The following TANGO2 variants were observed in gnomAD, a reference collection of about 807,000 sequenced individuals.
The protein encoded by TANGO2 is transport and Golgi organization protein 2 homolog.
TANGO2 carries 26 observed loss-of-function variants against 39.1 expected under a neutral mutation model. The ratio of observed to expected loss-of-function variants is 0.67; its 90% CI spans 0.49 to 0.92. The LOEUF (loss-of-function observed/expected upper bound fraction) is 0.92. Ranked by LOEUF, TANGO2 falls within the 40% of genes least tolerant of loss-of-function variation. TANGO2 has a pLI of 0.00. For missense variants in TANGO2, 326 were observed against 360.1 expected, an observed-to-expected ratio of 0.91 and a Z score of 0.77; for synonymous variants, 131 against 144.5, an observed-to-expected ratio of 0.91 and a Z score of 0.67.
chr22:20,021,073 C>G (rs2039557889), upstream of TANGO2: 1 of 152,608 alleles, frequency 6.6e-6, no homozygotes, highest in Admixed American at 6.6e-5. Context: ...CTGGGCGGTA[C>G]TGGGCTGGCT....
chr22:20,038,628 C>T (rs184977494), intron 2 of TANGO2, among the ~76,000 whole-genome samples: 232 of 152,346 alleles, frequency 1.5e-3, no homozygotes, highest in Non-Finnish European at 2.7e-3. Flanking sequence ...GACTATTTTC[C>T]GAAGCCCTAA....
intron 3 of TANGO2, among the ~76,000 whole-genome samples, chr22:20,044,733 C>A (rs1488554220): frequency 6.6e-6 from 1 of 152,142 alleles, no homozygotes; most frequent in Non-Finnish European, 1.5e-5. Context: ...GGGTGCAGGG[C>A]TGGTCAGGAC....
intron 3 of TANGO2, among the ~76,000 whole-genome samples, chr22:20,045,203 A>G (rs1469578541): frequency 6.6e-6 from 1 of 151,662 alleles, no homozygotes; most frequent in African/African-American, 2.4e-5. Context: ...TGGGAGTCCA[A>G]GGCAGGAGGA....
chr22:20,052,473 A>G lies in TANGO2; in HGVS notation c.154A>G (p.Met52Val), dbSNP rs754597026. 6.2e-7 allele frequency: 1 copy of G among 1,602,098 alleles called. No homozygotes were observed. The highest frequency in any genetic ancestry group is 8.5e-7 in the Non-Finnish European group (1 of 1,174,440). Residue 52 changes from methionine (M) to valine (V), a missense_variant, in exon 4 of 9, where the codon ATG becomes GTG. By Grantham distance (21) the Met-to-Val change is conservative. Transcript: ENST00000327374. Reference protein sequence around the residue: ...NNNEILSGLDMEEGKEGGTWL... With the variant: ...NNNEILSGLDVEEGKEGGTWL... ...ACTGTCATCTGCCACAGGGCTGGAC[A>G]TGGAGGAAGGCAAGGAAGGAGGCAC...
At chr22:20,037,174 C>T in intron 2 of TANGO2, 3 of 1,441,790 alleles carry the variant, frequency 2.1e-6, no homozygotes, top group Non-Finnish European at 2.8e-6. Flanking sequence ...AGAACTGGGA[C>T]AACGGCGTCA....
At chr22:20,044,982 G>A (rs1240065378) in intron 3 of TANGO2, among the ~76,000 whole-genome samples, 4 of 152,182 alleles carry the variant, frequency 2.6e-5, no homozygotes, top group Non-Finnish European at 5.9e-5. Context: ...CTGGTGCATG[G>A]ATGTACACGG....
At chr22:20,046,445 A>G (rs2045207756) in intron 3 of TANGO2, among the ~76,000 whole-genome samples, 1 of 149,016 alleles carries the variant, frequency 6.7e-6, no homozygotes, top group South Asian at 2.1e-4. Flanking sequence ...CATGGTGCCC[A>G]GCCAAGGCTG....
At chr22:20,046,185 G>A (rs971600337) in intron 3 of TANGO2, among the ~76,000 whole-genome samples, 1 of 151,676 alleles carries the variant, frequency 6.6e-6, no homozygotes. Flanking sequence ...TCACTCTGTT[G>A]CCCAGGCTGG....
chr22:20,063,627 C>G (rs1293674441), intron 8 of TANGO2, 185 bp downstream of exon 8: 1 of 590,542 alleles, frequency 1.7e-6, no homozygotes, highest in Non-Finnish European at 2.9e-6. Context: ...CTCCCGGGGC[C>G]CCACAGGCTG....
chr22:20,066,813 C>G lies in TANGO2; in HGVS notation c.*2151C>G, dbSNP rs2049232323. Among the ~76,000 whole-genome samples, 1 of 152,106 alleles carries G rather than the reference C, an allele frequency of 6.6e-6. No individual in the cohort carries two copies. Among genetic ancestry groups the G allele is most frequent in the Non-Finnish European group, 1.5e-5 (1 of 68,024 alleles). On this transcript the variant is annotated 3_prime_UTR_variant, in exon 9 of 9. Coordinates refer to ENST00000327374, the MANE Select transcript of TANGO2 (RefSeq NM_152906.7). ...GTGCCCTGCCCTCATGAAGAGCCCCCCGGATGTTCACCTCTGCCCAGAGAC... is the reference window on the plus strand; with the variant it reads ...GTGCCCTGCCCTCATGAAGAGCCCCGCGGATGTTCACCTCTGCCCAGAGAC...
At chr22:20,062,449 C>G (rs1055040791) in intron 7 of TANGO2, among the ~76,000 whole-genome samples, 4 of 152,202 alleles carry the variant, frequency 2.6e-5, no homozygotes, top group Non-Finnish European at 1.5e-5. Flanking sequence ...CCTGGGGCCC[C>G]TTTCTGCCCC....
intron 1 of TANGO2, among the ~76,000 whole-genome samples, chr22:20,027,417 C>T (rs1439736990): frequency 3.3e-5 from 5 of 152,116 alleles, no homozygotes; most frequent in Non-Finnish European, 4.4e-5. Flanking sequence ...GGCAGAGCAG[C>T]GGGAAAGCTG....
At position 20,057,492 on chromosome 22, in the gene TANGO2, C is replaced by A. The variant is rs2047585634; in HGVS notation, c.451+1479C>A. Among the ~76,000 whole-genome samples the A allele has an allele frequency of 1.3e-5, 2 of 152,232 alleles. No homozygotes were observed. The highest frequency in any genetic ancestry group is 4.1e-4 in the South Asian group (2 of 4,826). ...CACCTGGGGCTTATCCTTCCGGCCA[C>A]CCTCTGTGACCCTGGTCTTCCCCTC... is the stretch of plus-strand genomic sequence containing the variant. On this transcript the variant is annotated intron_variant, in intron 6 of 8. Coordinates refer to ENST00000327374, the MANE Select transcript of TANGO2 (RefSeq NM_152906.7). The surrounding 1 kb of genome is among the most constrained non-coding windows in gnomAD (Gnocchi z 4.1).
intron 3 of TANGO2, among the ~76,000 whole-genome samples, chr22:20,045,087 G>A (rs551596216): frequency 6.6e-6 from 1 of 152,086 alleles, no homozygotes; most frequent in African/African-American, 2.4e-5. Flanking sequence ...TAGGACAGTG[G>A]TTCTCCAGGT....
chr22:20,060,697 C>T (rs1292879321), intron 6 of TANGO2, among the ~76,000 whole-genome samples: 1 of 152,034 alleles, frequency 6.6e-6, no homozygotes. Context: ...CGGCTTGGCT[C>T]TGGGGGCCCC....
upstream of TANGO2, among the ~76,000 whole-genome samples, chr22:20,018,186 C>A (rs139694296): frequency 2.4e-3 from 369 of 152,372 alleles, 1 homozygote; most frequent in Non-Finnish European, 3.5e-3. Context: ...TCCCAGCTGC[C>A]TTTCAGAGCC....
chr22:20,027,244 C>T (rs548977462), intron 1 of TANGO2, among the ~76,000 whole-genome samples: 1 of 152,256 alleles, frequency 6.6e-6, no homozygotes, highest in South Asian at 2.1e-4. Flanking sequence ...GAATTCTGCC[C>T]CCATGATCCA....
At chr22:20,051,223 A>T (rs919538604) in intron 3 of TANGO2, among the ~76,000 whole-genome samples, 1 of 151,586 alleles carries the variant, frequency 6.6e-6, no homozygotes, top group Non-Finnish European at 1.5e-5. Context: ...GTTATAATTA[A>T]TTATTGTTAT....
chr22:20,051,649 C>G (rs185013500), intron 3 of TANGO2, among the ~76,000 whole-genome samples: 1 of 151,978 alleles, frequency 6.6e-6, no homozygotes, highest in East Asian at 1.9e-4. Context: ...CCCAGGAGTT[C>G]GAGACAAGCC....
Sources: gnomAD v4.1 joint callset for allele counts (sites outside exome capture counted in the v4.1 genomes callset) on GRCh38, gnomAD v4.1.1 for gene constraint, Gnocchi (gnomAD v3.1) non-coding constraint, MANE v1.5 for transcripts, NCBI Gene and HGNC (gene_info 2026-07-23, HGNC 2026-07-21) for gene names.